The following BAHCC1 variants were observed in gnomAD, a reference collection of about 807,000 sequenced individuals.
BAHCC1 encodes BAH and coiled-coil domain-containing protein 1.
Under a neutral mutation model 88.2 loss-of-function variants are expected in BAHCC1, and 43 were observed. That is an observed-to-expected ratio of 0.49 (90% CI 0.38 to 0.63). The LOEUF (loss-of-function observed/expected upper bound fraction) is 0.63. Ranked by LOEUF, BAHCC1 falls within the 20% of genes least tolerant of loss-of-function variation. The pLI is 0.00. For missense variants in BAHCC1, 3,023 were observed against 1,654.8 expected (o/e 1.83, Z -14.34); for synonymous variants, 1,510 against 745.5 (o/e 2.03, Z -16.71).
At chr17:81,448,215 C>T (rs1327792605) in intron 11 of BAHCC1, among the ~76,000 whole-genome samples, 1 of 152,232 alleles carries the variant, frequency 6.6e-6, no homozygotes, top group African/African-American at 2.4e-5. Context: ...AGGCCTCCAC[C>T]TCCTCAGCCT....
Position 81,461,577 on chromosome 17 carries a change from G to T in BAHCC1, c.6914G>T (p.Gly2305Val). The part of the protein sequence containing the change: ...EDEDGPGLAA[G>V]VPSRFLARLS... ...GAGGACGGGCCGGGGCTGGCGGCCG[G>T]CGTGCCCTCCCGCTTCCTCGCCCGC... The change falls in exon 26 of 28, where the codon GGC becomes GTC. Residue 2305 changes from glycine (G) to valine (V), a missense_variant. By Grantham distance (109) the Gly-to-Val change is moderately radical. Transcript: ENST00000675386. 1.4e-6 allele frequency: 1 copy of T among 720,254 alleles called. No homozygotes were observed. 44.6% of individuals were successfully genotyped at this position (720,254 alleles called of 1,614,324 possible).
chr17:81,462,211 T>C (rs1358389276), intron 26 of BAHCC1, among the ~76,000 whole-genome samples, 165 bp downstream of exon 26: 4 of 152,234 alleles, frequency 2.6e-5, no homozygotes, highest in Non-Finnish European at 4.4e-5. Flanking sequence ...CATGACCCAG[T>C]GAGGCAGCCG....
At chr17:81,457,086 AGAGGGCCATCTGGGCG>A (rs1379605056) in intron 16 of BAHCC1, among the ~76,000 whole-genome samples, 1 of 152,106 alleles carries the variant, frequency 6.6e-6, no homozygotes, top group Non-Finnish European at 1.5e-5. Context: ...GGGGAGGGGC[AGAGGGCCATCTGGGCG>A]GAGGACAGCA....
intron 3 of BAHCC1, among the ~76,000 whole-genome samples, chr17:81,432,005 T>TGGGCA (rs1266225892): frequency 6.6e-6 from 1 of 152,130 alleles, no homozygotes; most frequent in Non-Finnish European, 1.5e-5. Context: ...GCAGGGCAGG[T>TGGGCA]GGGCAGGGCA....
chr17:81,428,394 C>T (rs2064224319), intron 3 of BAHCC1, among the ~76,000 whole-genome samples: 2 of 152,194 alleles, frequency 1.3e-5, no homozygotes, highest in African/African-American at 2.4e-5. Context: ...CTGCGGCAGC[C>T]GTGGTGAACC....
intron 16 of BAHCC1, among the ~76,000 whole-genome samples, chr17:81,456,938 T>C (rs1403401432): frequency 3.0e-5 from 2 of 67,542 alleles, no homozygotes; most frequent in Non-Finnish European, 7.3e-5. Flanking sequence ...TGAGGCGTTA[T>C]CTGACCACCC....
At chr17:81,409,931 C>G in intron 2 of BAHCC1, 1 of 191,092 alleles carries the variant, frequency 5.2e-6, no homozygotes, top group South Asian at 5.5e-5. Context: ...GCCTCAGCGC[C>G]TGCCCGAGCT....
rs781909536 is a variant in BAHCC1 at position 81,419,788 on chromosome 17, C to CTTT, written c.179-7012_179-7011insTTT. 1.1e-3 allele frequency among the ~76,000 whole-genome samples: 113 copies of CTTT among 102,274 alleles called. 20 individuals carry two copies. Among genetic ancestry groups the CTTT allele is most frequent in the African/African-American group, 1.1e-3 (29 of 26,404 alleles). 67.1% of individuals were successfully genotyped at this position (102,274 alleles called of 152,430 possible). On this transcript the variant is annotated intron_variant, in intron 2 of 27. Coordinates refer to ENST00000675386, the MANE Select transcript of BAHCC1 (RefSeq NM_001377448.1). ...TGGAGCTGCCGCCATCTCAACGAGG[C>CTTT]GTTTTTTTTTTTTTTTTTTTTTACA...
chr17:81,421,420 C>T (rs989157463), intron 2 of BAHCC1, among the ~76,000 whole-genome samples: 2 of 152,196 alleles, frequency 1.3e-5, no homozygotes, highest in Non-Finnish European at 2.9e-5. Context: ...CACCGGGAGG[C>T]GGGGGTGACA....
At chr17:81,414,859 C>T (rs2063999493) in intron 2 of BAHCC1, among the ~76,000 whole-genome samples, 2 of 152,196 alleles carry the variant, frequency 1.3e-5, no homozygotes, top group Admixed American at 6.5e-5. Flanking sequence ...TGCCACGCTG[C>T]GCTGAGAAGT....
intron 2 of BAHCC1, among the ~76,000 whole-genome samples, chr17:81,426,495 C>CGTG (rs1367326098): frequency 2.0e-5 from 3 of 146,448 alleles, no homozygotes; most frequent in East Asian, 4.1e-4. Context: ...TGATATGGCT[C>CGTG]GTGGTGGTGG....
intron 2 of BAHCC1, among the ~76,000 whole-genome samples, chr17:81,403,744 G>A (rs972154177): frequency 2.0e-5 from 3 of 152,308 alleles, no homozygotes; most frequent in East Asian, 1.9e-4. Flanking sequence ...GACGTCACCC[G>A]TCCCGCTCCA....
intron 11 of BAHCC1, 72 bp from the exon 12 acceptor site, chr17:81,451,596 G>T (rs2064635388): frequency 1.5e-5 from 10 of 682,084 alleles, no homozygotes; most frequent in South Asian, 9.6e-5. Flanking sequence ...GGGGGCCAGG[G>T]CTGACATCAA....
intron 23 of BAHCC1, 67 bp from the exon 24 acceptor site, chr17:81,460,210 G>GC: frequency 1.4e-6 from 1 of 701,656 alleles, no homozygotes; most frequent in East Asian, 2.7e-5. Flanking sequence ...GGCTTTGGCA[G>GC]CCCCGCCTCC....
intron 14 of BAHCC1, among the ~76,000 whole-genome samples, chr17:81,453,210 T>C (rs1463225432): frequency 6.6e-6 from 1 of 152,184 alleles, no homozygotes; most frequent in Non-Finnish European, 1.5e-5. Flanking sequence ...TTATCTGCAC[T>C]GTATAAAGTC....
chr17:81,421,438 C>T (rs560058178), intron 2 of BAHCC1, among the ~76,000 whole-genome samples: 4 of 152,334 alleles, frequency 2.6e-5, no homozygotes, highest in Middle Eastern at 3.4e-3. Flanking sequence ...ACAGTAGAGG[C>T]GTGATGCTCT....
rs117882428 is a variant in BAHCC1 at position 81,464,977 on chromosome 17, G to A, written c.*1160G>A. 4,267 of 152,282 alleles carry A rather than the reference G, an allele frequency of 0.028. 69 individuals are homozygous for A. The highest frequency in any genetic ancestry group is 0.033 in the Non-Finnish European group (2,229 of 68,046). The allele number at this position is 152,282 out of a possible 1,614,324, so 9.4% of individuals were successfully genotyped here. ...CTGGGCAGGGCTCGGGGCCTATGAG[G>A]GCAGGTTCACAGTCCCACCAGATTC... On this transcript the variant is annotated 3_prime_UTR_variant, in exon 28 of 28. Coordinates refer to ENST00000675386, the MANE Select transcript of BAHCC1 (RefSeq NM_001377448.1).
At chr17:81,404,170 TG>T (rs1240930346) in intron 2 of BAHCC1, among the ~76,000 whole-genome samples, 1 of 152,122 alleles carries the variant, frequency 6.6e-6, no homozygotes, top group Non-Finnish European at 1.5e-5. Flanking sequence ...ATAACATGGA[TG>T]AGGCTAAAAA....
chr17:81,436,476 T>C (rs2064338320), intron 3 of BAHCC1, among the ~76,000 whole-genome samples: 1 of 152,192 alleles, frequency 6.6e-6, no homozygotes, highest in Admixed American at 6.5e-5. Flanking sequence ...TACAGACTTC[T>C]GTTTACCAAA....
Sources: allele counts gnomAD v4.1 joint callset (sites outside exome capture counted in the v4.1 genomes callset), GRCh38; gene constraint gnomAD v4.1.1; transcripts MANE v1.5; gene names NCBI Gene and HGNC (gene_info 2026-07-23, HGNC 2026-07-21).